HNRNPUL2: variants seen among roughly 807,000 people sequenced by gnomAD.
HNRNPUL2 encodes the protein heterogeneous nuclear ribonucleoprotein U-like protein 2.
Under a neutral mutation model 102.2 loss-of-function variants are expected in HNRNPUL2, and 27 were observed. The observed-to-expected ratio is 0.26, with a 90% CI of 0.19 to 0.36. The LOEUF (loss-of-function observed/expected upper bound fraction) is 0.36, where lower values mean the gene tolerates loss of function less well. Ranked by LOEUF, HNRNPUL2 falls within the 10% of genes least tolerant of loss-of-function variation. The pLI is 1.00. For synonymous variants in HNRNPUL2, 458 were observed against 387.2 expected (o/e 1.18, Z -2.15); for missense variants, 936 against 981.1 (o/e 0.95, Z 0.61).
At position 62,720,133 on chromosome 11, in the gene HNRNPUL2, C is replaced by A; in HGVS notation, c.1670G>T (p.Arg557Leu). Residue 557 changes from arginine (R) to leucine (L), a missense_variant, in exon 10 of 14, where the codon CGG becomes CTG. Physicochemically the swap from Arg to Leu is moderately radical, Grantham distance 102 (BLOSUM62 -2). Transcript: ENST00000301785. The stretch of plus-strand genomic sequence containing the variant: ...ATTAGGGACAACCACCACCACTTTC[C>A]GAGAGAAGGTCTTGAACAGCAATAG... ...RKLLLFKTFS[R>L]KVVVVVPNEE... is the part of the protein sequence containing the mutation. The A allele has an allele frequency of 6.2e-7, 1 of 1,614,092 alleles. No individual in the cohort carries two copies. The highest frequency in any genetic ancestry group is 8.5e-7 in the Non-Finnish European group (1 of 1,179,958).
At chr11:62,721,965 T>A (rs371247328) in intron 7 of HNRNPUL2, 23 bp from the exon 8 acceptor site, 1 of 1,611,802 alleles carries the variant, frequency 6.2e-7, no homozygotes, top group East Asian at 2.2e-5. Flanking sequence ...GAACCAGAAA[T>A]ATAATGAAAA....
At position 62,714,825 on chromosome 11, in the gene HNRNPUL2, C is replaced by T. The variant is rs117684994; in HGVS notation, c.*474G>A. ...GTCACAAGCTCTCCCTCTGTCCCCACTCCTGCCTGCTCCTACCTGCTGTGG... is the reference window on the plus strand; with the variant it reads ...GTCACAAGCTCTCCCTCTGTCCCCATTCCTGCCTGCTCCTACCTGCTGTGG... On this transcript the variant is annotated 3_prime_UTR_variant, in exon 14 of 14. Transcript: ENST00000301785. The T allele has an allele frequency of 2.0e-3, 315 of 157,162 alleles. No individual in the cohort carries two copies. The highest frequency in any genetic ancestry group is 5.3e-3 in the Admixed American group (84 of 15,812). 9.7% of individuals were successfully genotyped at this position (157,162 alleles called of 1,614,324 possible).
rs59226130 is a variant in HNRNPUL2, at chr11:62,714,137, A to ACCCCCCCC, written c.*1154_*1161dup. ...CAGCAGCCCCACTGAGCTGCCTCCCACCCCCCCCCACCACCCTCCCCTCTT... is the reference window on the plus strand; with the variant it reads ...CAGCAGCCCCACTGAGCTGCCTCCCACCCCCCCCCCCCCCCCCACCACCCTCCCCTCTT... On this transcript the variant is annotated 3_prime_UTR_variant, in exon 14 of 14. Transcript: ENST00000301785. 3.4e-5 allele frequency: 3 copies of ACCCCCCCC among 87,916 alleles called. No homozygotes were observed. Among genetic ancestry groups the ACCCCCCCC allele is most frequent in the African/African-American group, 4.6e-5 (1 of 21,742 alleles). The allele number at this position is 87,916 out of a possible 1,614,324, so 5.4% of individuals were successfully genotyped here.
Position 62,726,634 on chromosome 11 carries a change from C to T in HNRNPUL2, c.523G>A (p.Ala175Thr), listed in dbSNP as rs781439594. The change falls in exon 1 of 14, where the codon GCC (alanine) becomes ACC (threonine). Residue 175 changes from alanine (A) to threonine (T), a missense_variant. By Grantham distance (58) the Ala-to-Thr change is moderately conservative (BLOSUM62 0). This residue lies in a region of HNRNPUL2 where 327 missense variants were observed against 268.1 expected (regional missense o/e 1.22). Coordinates refer to ENST00000301785, the MANE Select transcript of HNRNPUL2 (RefSeq NM_001079559.3). The part of the protein sequence containing the change: ...TPGSEVPGDK[A>T]AEEQGDDQDS... ...AGCTCCTCACCCTGTTCCTCGGCGG[C>T]CTTGTCACCCGGCACCTCGGATCCC... 11 of 1,590,876 alleles carry T rather than the reference C, an allele frequency of 6.9e-6. No individual in the cohort carries two copies. Among genetic ancestry groups the T allele is most frequent in the Non-Finnish European group, 4.3e-6 (5 of 1,175,168 alleles).
rs1249903257 is a variant in HNRNPUL2, at chr11:62,720,062, C to T, written c.1741G>A (p.Gly581Arg). ...KRLELRKEVEGDDVPESIMLE... is the reference protein window; with the variant it reads ...KRLELRKEVERDDVPESIMLE... Reference sequence around the variant, plus strand: ...ATTATAGATTCAGGCACATCATCTCCCTCTACTTCCTTCCTCAACTCCAGC... The same window carrying T: ...ATTATAGATTCAGGCACATCATCTCTCTCTACTTCCTTCCTCAACTCCAGC... The change falls in exon 10 of 14, where the codon GGA becomes AGA. Residue 581 changes from glycine to arginine, a missense_variant. By Grantham distance (125) the Gly-to-Arg change is moderately radical. Coordinates refer to ENST00000301785, the MANE Select transcript of HNRNPUL2 (RefSeq NM_001079559.3). The T allele has an allele frequency of 3.1e-6, 5 of 1,614,056 alleles. No individual in the cohort carries two copies. The highest frequency in any genetic ancestry group is 4.2e-6 in the Non-Finnish European group (5 of 1,180,022).
intron 10 of HNRNPUL2, among the ~76,000 whole-genome samples, chr11:62,717,777 C>A (rs750206319): frequency 6.6e-6 from 1 of 152,194 alleles, no homozygotes; most frequent in Non-Finnish European, 1.5e-5. Context: ...GCACTCTGGC[C>A]TCGCTGACAG....
At chr11:62,719,242 G>A (rs2083682739) in intron 10 of HNRNPUL2, among the ~76,000 whole-genome samples, 1 of 152,188 alleles carries the variant, frequency 6.6e-6, no homozygotes, top group Admixed American at 6.5e-5. Context: ...CTGAAGTCAG[G>A]AGTTCCAAGA....
Position 62,722,388 on chromosome 11 carries a change from G to C in HNRNPUL2, c.1096-8C>G, listed in dbSNP as rs757530709. The C allele has an allele frequency of 1.9e-6, 3 of 1,612,686 alleles. No individual in the cohort carries two copies. In the African/African-American group the frequency reaches 4.0e-5, roughly 22 times the overall value. On this transcript the variant is annotated splice_region_variant and splice_polypyrimidine_tract_variant and intron_variant, in intron 6 of 13. Coordinates refer to ENST00000301785, the MANE Select transcript of HNRNPUL2 (RefSeq NM_001079559.3). ...TTCTTCAGTCTCAAAATTCTACAAT[G>C]ACAAGGGACAAGAGCACTTATTGGC...
At chr11:62,716,116 G>T (rs2083658432) in intron 11 of HNRNPUL2, among the ~76,000 whole-genome samples, 179 bp from the exon 12 acceptor site, 1 of 152,142 alleles carries the variant, frequency 6.6e-6, no homozygotes. Context: ...GTCTGAGGGG[G>T]GAGGGCAGAG....
chr11:62,718,639 G>C (rs2083677699), intron 10 of HNRNPUL2, among the ~76,000 whole-genome samples: 1 of 148,230 alleles, frequency 6.7e-6, no homozygotes, highest in Admixed American at 6.8e-5. Context: ...GTTGCAGTGA[G>C]CCGAGATCGC....
intron 10 of HNRNPUL2, among the ~76,000 whole-genome samples, chr11:62,718,186 T>C (rs1265386673): frequency 1.3e-5 from 2 of 151,486 alleles, no homozygotes; most frequent in African/African-American, 4.9e-5. Flanking sequence ...TGTCAGGAAC[T>C]AAAGGCAGCA....
Position 62,722,358 on chromosome 11 carries a change from T to G in HNRNPUL2, c.1118A>C (p.Glu373Ala). ...CFANFETEEV[E>A]LSFSKNGEDL... ...TTCTCCATTCTTGGAGAAGGAAAGT[T>G]CTACTTCTTCAGTCTCAAAATTCTA... Residue 373 changes from glutamate (E) to alanine (A), a missense_variant, in exon 7 of 14, where the codon GAA becomes GCA. Physicochemically the swap from Glu to Ala is moderately radical, Grantham distance 107. Transcript: ENST00000301785. The G allele has an allele frequency of 1.2e-6, 2 of 1,613,916 alleles. No homozygotes were observed. Among genetic ancestry groups the G allele is most frequent in the South Asian group, 2.2e-5 (2 of 91,062 alleles).
At position 62,712,815 on chromosome 11, in the gene HNRNPUL2, G is replaced by A. The variant is rs2083629921; in HGVS notation, c.*2484C>T. On this transcript the variant is annotated 3_prime_UTR_variant, in exon 14 of 14. Coordinates refer to ENST00000301785, the MANE Select transcript of HNRNPUL2 (RefSeq NM_001079559.3). The stretch of plus-strand genomic sequence containing the variant: ...CACTTCCAAGAATGCTTTACAGGTT[G>A]TGCAAAAACATTTACAGGCTCCATG... 6.6e-6 allele frequency: 1 copy of A among 152,066 alleles called. No homozygotes were observed. Among genetic ancestry groups the A allele is most frequent in the East Asian group, 1.9e-4 (1 of 5,202 alleles). The allele number at this position is 152,066 out of a possible 1,614,324, so 9.4% of individuals were successfully genotyped here.
rs1391226306 is a variant in HNRNPUL2 at position 62,727,216 on chromosome 11, C to T, written c.-60G>A. 3.8e-6 allele frequency: 5 copies of T among 1,325,360 alleles called. No individual in the cohort carries two copies. The highest frequency in any genetic ancestry group is 6.5e-5 in the East Asian group (2 of 30,572). The allele number at this position is 1,325,360 out of a possible 1,614,324, so 82.1% of individuals were successfully genotyped here. A position where few individuals can be genotyped will look rare whatever the true frequency, so the allele number is the denominator to read the frequency against. On this transcript the variant is annotated 5_prime_UTR_variant, in exon 1 of 14. Coordinates refer to ENST00000301785, the MANE Select transcript of HNRNPUL2 (RefSeq NM_001079559.3). ...CTCCCCTGCGAACCGTCGACCGAGTCCGACCGCGCAGGCGCCGCCGCCGCC... is the reference window on the plus strand; with the variant it reads ...CTCCCCTGCGAACCGTCGACCGAGTTCGACCGCGCAGGCGCCGCCGCCGCC...
intron 10 of HNRNPUL2, 21 bp from the exon 11 acceptor site, chr11:62,717,210 C>T: frequency 2.5e-6 from 4 of 1,597,014 alleles, no homozygotes; most frequent in Non-Finnish European, 3.4e-6. Context: ...AAGAGAGAAG[C>T]TTGTGGGCCT....
rs145339191 is a variant in HNRNPUL2, at chr11:62,720,144, C to T, written c.1659G>A (p.Lys553=). The change falls in exon 10 of 14, where the codon AAG becomes AAA. Residue 553 remains lysine, a synonymous_variant. Coordinates refer to ENST00000301785, the MANE Select transcript of HNRNPUL2 (RefSeq NM_001079559.3). ...SGQRRKLLLF[K]TFSRKVVVVV... ...CCACCACCACTTTCCGAGAGAAGGT[C>T]TTGAACAGCAATAGCTTCCGCCGTT... 4.3e-6 allele frequency: 7 copies of T among 1,614,092 alleles called. No individual in the cohort carries two copies. The highest frequency in any genetic ancestry group is 5.9e-6 in the Non-Finnish European group (7 of 1,179,918).
rs1002042717 is a variant in HNRNPUL2 at position 62,722,800 on chromosome 11, G to T, written c.982+13C>A. On this transcript the variant is annotated intron_variant, in intron 5 of 13. Transcript: ENST00000301785. ...AGTAAACACTAATGAGGAACTTAAA[G>T]AAATAACTTTACCAAGCTGTGGACG... 1 of 1,613,246 alleles carries T rather than the reference G, an allele frequency of 6.2e-7. No individual in the cohort carries two copies. The highest frequency in any genetic ancestry group is 8.5e-7 in the Non-Finnish European group (1 of 1,179,370).
At position 62,713,688 on chromosome 11, in the gene HNRNPUL2, C is replaced by G; in HGVS notation, c.*1611G>C. On this transcript the variant is annotated 3_prime_UTR_variant, in exon 14 of 14. Transcript: ENST00000301785. Reference sequence around the variant, plus strand: ...TAACAGTGGGAGGAGGAGAGGAAGACCAAATCAGCCCACAATTTTAAACAG... The same window carrying G: ...TAACAGTGGGAGGAGGAGAGGAAGAGCAAATCAGCCCACAATTTTAAACAG... 1 of 152,364 alleles carries G rather than the reference C, an allele frequency of 6.6e-6. No homozygotes were observed. Among genetic ancestry groups the G allele is most frequent in the South Asian group, 2.1e-4 (1 of 4,824 alleles). The allele number at this position is 152,364 out of a possible 1,614,324, so 9.4% of individuals were successfully genotyped here.
chr11:62,715,672 C>T, intron 12 of HNRNPUL2, 65 bp from the exon 13 acceptor site: 1 of 1,257,158 alleles, frequency 8.0e-7, no homozygotes, highest in Non-Finnish European at 1.2e-6. Flanking sequence ...CCACCGTGAC[C>T]CCCTTTTAAA....
Sources: gnomAD v4.1 joint callset for allele counts (sites outside exome capture counted in the v4.1 genomes callset) on GRCh38, gnomAD v4.1.1 for gene constraint, gnomAD v4.1.1 regional missense constraint, MANE v1.5 for transcripts, NCBI Gene and HGNC (gene_info 2026-07-23, HGNC 2026-07-21) for gene names.